JARID2: variants seen among roughly 807,000 people sequenced by gnomAD.
JARID2 encodes jumonji and AT-rich interaction domain containing 2.
In JARID2, 21 loss-of-function variants were observed where a neutral mutation model predicts 125.6. The ratio of observed to expected loss-of-function variants is 0.17; its 90% CI spans 0.12 to 0.24. The LOEUF (loss-of-function observed/expected upper bound fraction) is 0.24. Ranked by LOEUF, JARID2 falls within the 10% of genes least tolerant of loss-of-function variation. The pLI is 1.00. For synonymous variants in JARID2, 736 were observed against 661.6 expected (o/e 1.11, Z -1.73); for missense variants, 1,303 against 1,639.6 (o/e 0.79, Z 3.55).
At chr6:15,362,055 C>T (rs1388945352) in intron 1 of JARID2, among the ~76,000 whole-genome samples, 1 of 151,864 alleles carries the variant, frequency 6.6e-6, no homozygotes, top group African/African-American at 2.4e-5. Flanking sequence ...CAGCATGCCC[C>T]ACTAGTTTTT....
chr6:15,361,273 C>CCT, intron 1 of JARID2, among the ~76,000 whole-genome samples: 1 of 152,286 alleles, frequency 6.6e-6, no homozygotes, highest in South Asian at 2.1e-4. Flanking sequence ...CAGGTAACTG[C>CCT]CTCAGCCTCC....
intron 4 of JARID2, among the ~76,000 whole-genome samples, chr6:15,466,331 C>G (rs1481704874): frequency 1.3e-5 from 2 of 152,140 alleles, no homozygotes; most frequent in African/African-American, 2.4e-5. Flanking sequence ...GTTTTTATAC[C>G]AATCCATCGT....
intron 4 of JARID2, among the ~76,000 whole-genome samples, chr6:15,464,166 G>A (rs943109910): frequency 4.0e-4 from 61 of 152,160 alleles, no homozygotes; most frequent in African/African-American, 1.4e-3. Flanking sequence ...GTCTCGAGGA[G>A]AAAAAAAGAA....
intron 1 of JARID2, among the ~76,000 whole-genome samples, chr6:15,292,709 C>A (rs576698700): frequency 6.6e-6 from 1 of 152,258 alleles, no homozygotes; most frequent in South Asian, 2.1e-4. Context: ...CTCTTGTCAC[C>A]CAGGCTGGAA....
At chr6:15,338,659 TC>T (rs113372276) in intron 1 of JARID2, among the ~76,000 whole-genome samples, 4,208 of 152,138 alleles carry the variant, frequency 0.028, 201 homozygotes, top group African/African-American at 0.095. Flanking sequence ...AGGAACCAGC[TC>T]CCTCTAGCCC....
chr6:15,485,645 A>G (rs542584193), intron 5 of JARID2, among the ~76,000 whole-genome samples: 1 of 152,342 alleles, frequency 6.6e-6, no homozygotes, highest in Non-Finnish European at 1.5e-5. Context: ...TAATTGTTAT[A>G]CTTTCATAAA....
At chr6:15,412,940 A>G (rs1765945591) in intron 3 of JARID2, among the ~76,000 whole-genome samples, 1 of 147,530 alleles carries the variant, frequency 6.8e-6, no homozygotes, top group African/African-American at 2.5e-5. Flanking sequence ...TGTTAAACAG[A>G]TGCTGGTTTT....
At position 15,308,783 on chromosome 6, in the gene JARID2, C is replaced by G. The variant is rs577206134; in HGVS notation, c.45+62199C>G. ...TAATGGAATCTGCAGTTTGATCCAC[C>G]ATGACTTTTGCTTACTGGTGAAATT... On this transcript the variant is annotated intron_variant, in intron 1 of 17. Transcript: ENST00000341776. Among the ~76,000 whole-genome samples the G allele has an allele frequency of 3.9e-5, 6 of 152,294 alleles. No individual in the cohort carries two copies. In the South Asian group the frequency reaches 1.2e-3, roughly 32 times the overall value.
At chr6:15,365,493 C>T (rs1441573055) in intron 1 of JARID2, among the ~76,000 whole-genome samples, 1 of 152,190 alleles carries the variant, frequency 6.6e-6, no homozygotes, top group East Asian at 1.9e-4. Context: ...CGCAAAAGAG[C>T]TGACTTGGCA....
At chr6:15,255,723 A>G (rs1325521050) in intron 1 of JARID2, among the ~76,000 whole-genome samples, 1 of 152,062 alleles carries the variant, frequency 6.6e-6, no homozygotes, top group Non-Finnish European at 1.5e-5. Context: ...ATGAGAAGGG[A>G]TTAGGGCTGA....
At chr6:15,489,628 C>T (rs1239948422) in intron 6 of JARID2, among the ~76,000 whole-genome samples, 3 of 152,250 alleles carry the variant, frequency 2.0e-5, no homozygotes, top group East Asian at 1.9e-4. Context: ...TGGGATGGCC[C>T]TGCCTGCCCC....
chr6:15,513,447 G>C (rs370928834), intron 16 of JARID2, 25 bp downstream of exon 16: 26 of 1,550,128 alleles, frequency 1.7e-5, no homozygotes, highest in Non-Finnish European at 2.6e-6. Flanking sequence ...CCCTGCCGGC[G>C]CCCTCGCATG....
intron 1 of JARID2, among the ~76,000 whole-genome samples, chr6:15,298,153 A>C (rs931387339): frequency 3.9e-5 from 6 of 152,248 alleles, no homozygotes; most frequent in Non-Finnish European, 8.8e-5. Context: ...GAATGCAGTC[A>C]AAATTGCATT....
chr6:15,501,199 C>G lies in JARID2; in HGVS notation c.2238C>G (p.His746Gln). The change falls in exon 8 of 18, where the codon CAC becomes CAG. Residue 746 changes from histidine (H) to glutamine (Q), a missense_variant. By Grantham distance (24) the His-to-Gln change is conservative. Coordinates refer to ENST00000341776, the MANE Select transcript of JARID2 (RefSeq NM_004973.4). Reference sequence around the variant, plus strand: ...AAGGCCACACAGAGAACGACCACCACAAGTTCCACCCTCTGCCCCGCTTCG... The same window carrying G: ...AAGGCCACACAGAGAACGACCACCAGAAGTTCCACCCTCTGCCCCGCTTCG... ...PLEGHTENDH[H>Q]KFHPLPRFEP... The G allele has an allele frequency of 1.2e-6, 2 of 1,614,094 alleles. No individual in the cohort carries two copies. The highest frequency in any genetic ancestry group is 1.1e-5 in the South Asian group (1 of 91,080).
chr6:15,336,400 A>G (rs902648930), intron 1 of JARID2, among the ~76,000 whole-genome samples: 1 of 152,264 alleles, frequency 6.6e-6, no homozygotes, highest in South Asian at 2.1e-4. Context: ...GGAATGAACT[A>G]CTTTGGTCAA....
intron 17 of JARID2, among the ~76,000 whole-genome samples, chr6:15,519,683 C>T (rs13198533): frequency 0.19 from 29,400 of 152,210 alleles, 3,256 homozygotes; most frequent in Non-Finnish European, 0.26. Context: ...GTTCAGTGGC[C>T]GGTAGCTAAA....
In JARID2 at chr6:15,519,144, GTCC is replaced by G. The variant is rs1473900759; in HGVS notation, c.3559-920_3559-918del. ...AGCTGCACGCAGGGGAGGGAACGGT[GTCC>G]TCCTGTAACCGCACACTGCCGCTCC... is the stretch of plus-strand genomic sequence containing the variant. On this transcript the variant is annotated intron_variant, in intron 17 of 17. Coordinates refer to ENST00000341776, the MANE Select transcript of JARID2 (RefSeq NM_004973.4). 3.9e-5 allele frequency among the ~76,000 whole-genome samples: 6 copies of G among 152,140 alleles called. No individual in the cohort carries two copies. The East Asian group carries it at 5.8e-4, about 15-fold the overall frequency.
At chr6:15,462,591 T>A (rs1465320208) in intron 4 of JARID2, among the ~76,000 whole-genome samples, 1 of 152,216 alleles carries the variant, frequency 6.6e-6, no homozygotes. Flanking sequence ...ATAGTCGGGG[T>A]TGATTACTTT....
At chr6:15,304,187 C>T (rs977011141) in intron 1 of JARID2, among the ~76,000 whole-genome samples, 1 of 151,756 alleles carries the variant, frequency 6.6e-6, no homozygotes, top group Non-Finnish European at 1.5e-5. Flanking sequence ...GCGCAGGGCT[C>T]AGGAGCCTCA....
Sources: gnomAD v4.1 joint callset for allele counts (sites outside exome capture counted in the v4.1 genomes callset) on GRCh38, gnomAD v4.1.1 for gene constraint, MANE v1.5 for transcripts, NCBI Gene and HGNC (gene_info 2026-07-23, HGNC 2026-07-21) for gene names.